ETV6: variants seen among roughly 807,000 people sequenced by gnomAD.
ETV6 encodes transcription factor ETV6.
In ETV6, 16 loss-of-function variants were observed where a neutral mutation model predicts 51.1. The ratio of observed to expected loss-of-function variants is 0.31; its 90% CI spans 0.21 to 0.48. ETV6 has a LOEUF of 0.48. Among genes scored for constraint, ETV6 ranks in the 20% least tolerant of loss-of-function variants. The probability of loss-of-function intolerance (pLI) is 0.99; values close to 1 mark genes in which losing one functional copy is unlikely to be tolerated. For synonymous variants in ETV6, 240 were observed against 224.1 expected (o/e 1.07, Z -0.64); for missense variants, 458 against 594.8 (o/e 0.77, Z 2.39).
At chr12:11,876,790 G>A (rs181628718) in intron 5 of ETV6, among the ~76,000 whole-genome samples, 191 of 152,212 alleles carry the variant, frequency 1.3e-3, no homozygotes, top group Non-Finnish European at 2.2e-3. Context: ...TGAACTTCTC[G>A]ATTTGTGAGG....
At chr12:11,759,609 TC>T (rs1370861299) in intron 2 of ETV6, among the ~76,000 whole-genome samples, 1 of 152,240 alleles carries the variant, frequency 6.6e-6, no homozygotes, top group Non-Finnish European at 1.5e-5. Context: ...TTTTCTTCTG[TC>T]CGTTGCTTCC....
chr12:11,843,489 G>A (rs1489930553), intron 3 of ETV6, among the ~76,000 whole-genome samples: 2 of 152,092 alleles, frequency 1.3e-5, no homozygotes, highest in Non-Finnish European at 2.9e-5. Flanking sequence ...TCACCACATG[G>A]ATCCTAAGCT....
chr12:11,740,223 A>G (rs17745932), intron 1 of ETV6, among the ~76,000 whole-genome samples: 11,449 of 152,288 alleles, frequency 0.075, 688 homozygotes, highest in Admixed American at 0.2. Context: ...GGCAAGGAAT[A>G]TAAAGTAATA....
At chr12:11,856,382 G>A (rs537034345) in intron 4 of ETV6, among the ~76,000 whole-genome samples, 2 of 152,318 alleles carry the variant, frequency 1.3e-5, no homozygotes, top group East Asian at 3.9e-4. Flanking sequence ...GCTCTTAAAA[G>A]TAGTGCATTT....
intron 1 of ETV6, among the ~76,000 whole-genome samples, chr12:11,723,467 T>A (rs973333415): frequency 3.3e-5 from 5 of 151,236 alleles, no homozygotes. Context: ...TCAAAAGCCA[T>A]ATTGTGACAA....
rs1591638791 is a variant in ETV6, at chr12:11,734,580, T to C, written c.34-17870T>C. Among the ~76,000 whole-genome samples the C allele has an allele frequency of 2.7e-5, 4 of 149,570 alleles. No homozygotes were observed. In the East Asian group the frequency reaches 7.9e-4, roughly 29 times the overall value. ...ATTACCATATCTGTATGTCTATACA[T>C]AGGTATGTGGATTTATCACAGTGCT... On this transcript the variant is annotated intron_variant, in intron 1 of 7. Transcript: ENST00000396373.
At chr12:11,742,546 G>A (rs777774593) in intron 1 of ETV6, among the ~76,000 whole-genome samples, 6 of 152,054 alleles carry the variant, frequency 3.9e-5, no homozygotes, top group Non-Finnish European at 7.4e-5. Flanking sequence ...TTACTTTTTC[G>A]AGTTATAAAA....
intron 1 of ETV6, among the ~76,000 whole-genome samples, chr12:11,726,534 T>C (rs1865492546): frequency 6.6e-6 from 1 of 152,112 alleles, no homozygotes; most frequent in African/African-American, 2.4e-5. Flanking sequence ...TCCCAGCACT[T>C]CGGGAGGGCA....
chr12:11,735,557 G>A (rs1865688192), intron 1 of ETV6, among the ~76,000 whole-genome samples: 1 of 152,188 alleles, frequency 6.6e-6, no homozygotes, highest in African/African-American at 2.4e-5. Context: ...AGTAGGCTCT[G>A]GGTTCCAGGC....
At chr12:11,671,869 G>C (rs554035002) in intron 1 of ETV6, among the ~76,000 whole-genome samples, 1 of 151,662 alleles carries the variant, frequency 6.6e-6, no homozygotes, top group African/African-American at 2.4e-5. Context: ...AATCTTATTC[G>C]TGTGAAAAAC....
intron 1 of ETV6, among the ~76,000 whole-genome samples, chr12:11,742,265 A>T (rs2724640): frequency 6.6e-6 from 1 of 151,814 alleles, no homozygotes; most frequent in African/African-American, 2.4e-5. Context: ...TGCTGGTGGC[A>T]TTTGCAGGGT....
In ETV6 at chr12:11,652,254, G is replaced by A. The variant is rs375949680; in HGVS notation, c.33+2094G>A. Among the ~76,000 whole-genome samples the A allele has an allele frequency of 8.5e-5, 13 of 152,262 alleles. No homozygotes were observed. The East Asian group carries it at 1.7e-3, about 20-fold the overall frequency. On this transcript the variant is annotated intron_variant, in intron 1 of 7. Transcript: ENST00000396373. Reference sequence around the variant, plus strand: ...ATTTGCTTAGACTGCATGTGTCTAGGTGAACGTATGTGAAGAGTATCTTTC... The same window carrying A: ...ATTTGCTTAGACTGCATGTGTCTAGATGAACGTATGTGAAGAGTATCTTTC...
At chr12:11,785,754 G>T (rs1945475452) in intron 2 of ETV6, among the ~76,000 whole-genome samples, 1 of 152,180 alleles carries the variant, frequency 6.6e-6, no homozygotes, top group Admixed American at 6.5e-5. Flanking sequence ...ACTAAGCCAT[G>T]GAGTTGATTT....
chr12:11,840,117 T>A (rs1412516192), intron 3 of ETV6, among the ~76,000 whole-genome samples: 1 of 152,122 alleles, frequency 6.6e-6, no homozygotes, highest in African/African-American at 2.4e-5. Flanking sequence ...GTAGGACTCG[T>A]TTGAGGTAAT....
At chr12:11,765,279 G>A (rs1216422406) in intron 2 of ETV6, among the ~76,000 whole-genome samples, 2 of 152,102 alleles carry the variant, frequency 1.3e-5, no homozygotes, top group African/African-American at 4.8e-5. Context: ...AGTGTAATAA[G>A]ATCAGACCCC....
At position 11,868,352 on chromosome 12, in the gene ETV6, C is replaced by T. The variant is rs114038557; in HGVS notation, c.464-1072C>T. On this transcript the variant is annotated intron_variant, in intron 4 of 7. Transcript: ENST00000396373. The stretch of plus-strand genomic sequence containing the variant: ...TAACTTCTTTACGCCTCAGTTTTAT[C>T]ATCTGTAAAATAGGGGTACTAGTGG... 1.2e-3 allele frequency among the ~76,000 whole-genome samples: 187 copies of T among 151,804 alleles called. 1 individual carries two copies. The highest frequency in any genetic ancestry group is 4.4e-3 in the African/African-American group (182 of 41,400).
chr12:11,791,684 C>A (rs999764341), intron 2 of ETV6, among the ~76,000 whole-genome samples: 1 of 152,122 alleles, frequency 6.6e-6, no homozygotes, highest in South Asian at 2.1e-4. Context: ...ACACTGACCC[C>A]TTTAATTCAA....
intron 1 of ETV6, among the ~76,000 whole-genome samples, chr12:11,658,232 G>T (rs1017460367): frequency 2.0e-5 from 3 of 152,086 alleles, no homozygotes; most frequent in Non-Finnish European, 4.4e-5. Context: ...CCAGGGGATG[G>T]TTTGTTTTTG....
At chr12:11,804,417 C>T (rs139423576) in intron 2 of ETV6, among the ~76,000 whole-genome samples, 4 of 152,356 alleles carry the variant, frequency 2.6e-5, no homozygotes, top group Non-Finnish European at 5.9e-5. Context: ...AACCTCTCCA[C>T]CCTCATCCTC....
Sources: allele counts gnomAD v4.1 joint callset (sites outside exome capture counted in the v4.1 genomes callset), GRCh38; gene constraint gnomAD v4.1.1; transcripts MANE v1.5; gene names NCBI Gene and HGNC (gene_info 2026-07-23, HGNC 2026-07-21).